PARK7: variants seen among roughly 807,000 people sequenced by gnomAD.
PARK7 encodes Parkinson disease protein 7.
Under a neutral mutation model 20.5 loss-of-function variants are expected in PARK7, and 14 were observed. The ratio of observed to expected loss-of-function variants is 0.68; its 90% CI spans 0.45 to 1.07. The LOEUF (loss-of-function observed/expected upper bound fraction) is 1.07, where lower values mean the gene tolerates loss of function less well. Ranked by LOEUF, PARK7 falls within the 50% of genes least tolerant of loss-of-function variation. The probability of loss-of-function intolerance (pLI) is 0.00; values close to 1 mark genes in which losing one functional copy is unlikely to be tolerated. For synonymous variants in PARK7, 98 were observed against 84.3 expected, an observed-to-expected ratio of 1.16 and a Z score of -0.89; for missense variants, 234 against 238.1, an observed-to-expected ratio of 0.98 and a Z score of 0.11.
chr1:7,966,449 A>G (rs1315175775), intron 3 of PARK7, among the ~76,000 whole-genome samples: 2 of 151,894 alleles, frequency 1.3e-5, no homozygotes, highest in South Asian at 2.1e-4. Flanking sequence ...TAATCCCAGC[A>G]CTTTTGGAGG....
chr1:7,977,627 T>G (rs1640612228), intron 5 of PARK7, 25 bp from the exon 6 acceptor site: 1 of 1,597,882 alleles, frequency 6.3e-7, no homozygotes, highest in African/African-American at 1.3e-5. Context: ...TATCTGCACT[T>G]AGATCTTTTT....
rs969383406 is a variant in PARK7, at chr1:7,962,980, T to C, written c.90+105T>C. On this transcript the variant is annotated intron_variant, in intron 2 of 6. Transcript: ENST00000338639. ...AGTGCTCTATGAAATATTTCAAATATACACAAAATTTCAGAGATGACATAA... is the reference window on the plus strand; with the variant it reads ...AGTGCTCTATGAAATATTTCAAATACACACAAAATTTCAGAGATGACATAA... 9.7e-5 allele frequency: 92 copies of C among 946,796 alleles called. No individual in the cohort carries two copies. In the African/African-American group the frequency reaches 1.0e-3, roughly 11 times the overall value. 58.6% of individuals were successfully genotyped at this position (946,796 alleles called of 1,614,324 possible).
At chr1:7,968,359 T>C (rs1640373997) in intron 3 of PARK7, among the ~76,000 whole-genome samples, 1 of 151,564 alleles carries the variant, frequency 6.6e-6, no homozygotes, top group Admixed American at 6.6e-5. Flanking sequence ...TCCTAAAGTA[T>C]TGTTAAAACA....
chr1:7,973,006 C>T (rs912684152), intron 5 of PARK7, among the ~76,000 whole-genome samples: 3 of 151,926 alleles, frequency 2.0e-5, no homozygotes, highest in Admixed American at 6.6e-5. Context: ...GCCGCGATTA[C>T]GCCACTGCAC....
chr1:7,963,009 T>C lies in PARK7; in HGVS notation c.90+134T>C, dbSNP rs553559500. The C allele has an allele frequency of 5.3e-6, 4 of 753,296 alleles. No homozygotes were observed. In the Admixed American group the frequency reaches 8.1e-5, roughly 15 times the overall value. The allele number at this position is 753,296 out of a possible 1,614,324, so 46.7% of individuals were successfully genotyped here. A position where few individuals can be genotyped will look rare whatever the true frequency, so the allele number is the denominator to read the frequency against. On this transcript the variant is annotated intron_variant, in intron 2 of 6. Coordinates refer to ENST00000338639, the MANE Select transcript of PARK7 (RefSeq NM_007262.5). ...CAAAATTTCAGAGATGACATAAGAA[T>C]AAATACCTGTTGATCCACTGCTCAC... is the stretch of plus-strand genomic sequence containing the variant.
At chr1:7,981,745 G>A (rs946681941) in intron 6 of PARK7, among the ~76,000 whole-genome samples, 6 of 148,054 alleles carry the variant, frequency 4.1e-5, no homozygotes, top group African/African-American at 7.5e-5. Flanking sequence ...GGCAAGCTCC[G>A]CCTCCCAGGT....
Position 7,972,297 on chromosome 1 carries a change from C to CAACA in PARK7, c.322+1349_322+1352dup, listed in dbSNP as rs370264113. On this transcript the variant is annotated intron_variant, in intron 5 of 6. Transcript: ENST00000338639. ...TGGCAACATAGCCAGACCCCCATCT[C>CAACA]AACAAACAAACAAACAAAAAATTAG... Among the ~76,000 whole-genome samples the CAACA allele has an allele frequency of 2.4e-3, 372 of 152,040 alleles. 2 individuals carry two copies. Among genetic ancestry groups the CAACA allele is most frequent in the African/African-American group, 8.5e-3 (351 of 41,446 alleles).
intron 4 of PARK7, among the ~76,000 whole-genome samples, chr1:7,970,672 G>A (rs547737663): frequency 2.2e-3 from 336 of 152,270 alleles, no homozygotes; most frequent in Non-Finnish European, 4.0e-3. Context: ...TTTAAATGTG[G>A]AAGAGTGCGT....
intron 6 of PARK7, among the ~76,000 whole-genome samples, chr1:7,981,663 T>TTG (rs1640711802): frequency 6.7e-6 from 1 of 150,278 alleles, no homozygotes; most frequent in Non-Finnish European, 1.5e-5. Flanking sequence ...GTCTTTTGTT[T>TTG]TTTTTTTTTT....
chr1:7,984,897 A>G lies in PARK7; in HGVS notation c.413A>G (p.His138Arg), dbSNP rs770710019. ...CTTTTCTGTTTCTACTTTGCAGGTC[A>G]TTACACCTACTCTGAGAATCGTGTG... is the stretch of plus-strand genomic sequence containing the variant. Reference protein sequence around the residue: ...LAKDKMMNGGHYTYSENRVEK... With the variant: ...LAKDKMMNGGRYTYSENRVEK... The change falls in exon 7 of 7, where the codon CAT becomes CGT. Residue 138 changes from histidine (H) to arginine (R), a missense_variant. His to Arg is a conservative substitution (Grantham distance 29). Transcript: ENST00000338639. The surrounding 1 kb of genome is among the most constrained non-coding windows in gnomAD (Gnocchi z 4.3). 6.2e-7 allele frequency: 1 copy of G among 1,614,138 alleles called. No individual in the cohort carries two copies. The highest frequency in any genetic ancestry group is 1.7e-5 in the Admixed American group (1 of 60,002).
At chr1:7,961,882 T>A (rs1640210194) in intron 1 of PARK7, 89 bp downstream of exon 1, 1 of 148,864 alleles carries the variant, frequency 6.7e-6, no homozygotes, top group African/African-American at 2.4e-5. Flanking sequence ...CTGGACGGTG[T>A]CCCGCTGGCT....
intron 3 of PARK7, among the ~76,000 whole-genome samples, chr1:7,965,962 A>G (rs1465377063): frequency 6.6e-6 from 1 of 152,166 alleles, no homozygotes; most frequent in Admixed American, 6.5e-5. Flanking sequence ...GGCATGTGCC[A>G]TGCCCGGCCA....
chr1:7,974,059 T>C (rs531610516), intron 5 of PARK7, among the ~76,000 whole-genome samples: 2 of 149,178 alleles, frequency 1.3e-5, no homozygotes, highest in South Asian at 2.1e-4. Context: ...GCTGTAATCC[T>C]AGCACTTTGG....
chr1:7,971,019 C>A, intron 5 of PARK7, 56 bp downstream of exon 5: 2 of 1,567,988 alleles, frequency 1.3e-6, no homozygotes, highest in Non-Finnish European at 1.8e-6. Flanking sequence ...GGTAGCCTTT[C>A]ATTCGATGGT....
intron 2 of PARK7, among the ~76,000 whole-genome samples, chr1:7,963,759 T>C (rs1640263329): frequency 6.6e-6 from 1 of 151,850 alleles, no homozygotes; most frequent in Non-Finnish European, 1.5e-5. Context: ...CCTATGCCCC[T>C]TCTTCCTTCC....
rs772272696 is a variant in PARK7, at chr1:7,965,334, C to T, written c.101C>T (p.Thr34Ile). Residue 34 changes from threonine (T) to isoleucine (I), a missense_variant, in exon 3 of 7, where the codon ACC (threonine) becomes ATC (isoleucine). Transcript: ENST00000338639. ...ACATCTTTCTCGTAGATTAAGGTCA[C>T]CGTTGCAGGCCTGGCTGGAAAAGAC... ...DVMRRAGIKV[T>I]VAGLAGKDPV... 58 of 1,613,774 alleles carry T rather than the reference C, an allele frequency of 3.6e-5. No homozygotes were observed. In the South Asian group the frequency reaches 3.6e-4, roughly 10 times the overall value.
chr1:7,969,233 G>A (rs1640398232), intron 3 of PARK7, 112 bp from the exon 4 acceptor site: 5 of 815,232 alleles, frequency 6.1e-6, no homozygotes, highest in Non-Finnish European at 9.9e-6. Context: ...TGGCAGATAG[G>A]CTATCTCCTG....
At chr1:7,976,267 G>GTAT (rs1557448411) in intron 5 of PARK7, among the ~76,000 whole-genome samples, 1 of 152,192 alleles carries the variant, frequency 6.6e-6, no homozygotes, top group Non-Finnish European at 1.5e-5. Context: ...GTTCTGAAAC[G>GTAT]TATCCTTCTA....
chr1:7,983,444 C>G (rs917659448), intron 6 of PARK7, among the ~76,000 whole-genome samples: 1 of 152,254 alleles, frequency 6.6e-6, no homozygotes, highest in Non-Finnish European at 1.5e-5. Flanking sequence ...TCACCTAGGC[C>G]TTCATTGCAA....
Sources: allele counts gnomAD v4.1 joint callset (sites outside exome capture counted in the v4.1 genomes callset), GRCh38; gene constraint gnomAD v4.1.1; non-coding constraint Gnocchi (gnomAD v3.1); transcripts MANE v1.5; gene names NCBI Gene and HGNC (gene_info 2026-07-23, HGNC 2026-07-21).